MICOS10: variants seen among roughly 807,000 people sequenced by gnomAD.
The protein encoded by MICOS10 is mitochondrial contact site and cristae organizing system subunit 10, also known as MICOS complex subunit MIC10.
A neutral mutation model predicts 13.4 loss-of-function variants in MICOS10; 5 were observed. The ratio of observed to expected loss-of-function variants is 0.37; its 90% CI spans 0.20 to 0.78. The LOEUF is 0.78. Ranked by LOEUF, MICOS10 falls within the 30% of genes least tolerant of loss-of-function variation. MICOS10 has a pLI of 0.47. For synonymous variants in MICOS10, 35 were observed against 33.6 expected (o/e 1.04, Z -0.15); for missense variants, 101 against 94.6 (o/e 1.07, Z -0.28).
intron 1 of MICOS10, among the ~76,000 whole-genome samples, chr1:19,615,777 C>G (rs1328264864): frequency 4.0e-5 from 6 of 150,630 alleles, no homozygotes; most frequent in African/African-American, 1.2e-4. Flanking sequence ...AGAATAAACA[C>G]TCTATACTGG....
intron 1 of MICOS10, among the ~76,000 whole-genome samples, chr1:19,619,953 TCTTTA>T (rs1436432807): frequency 6.6e-6 from 1 of 152,252 alleles, no homozygotes; most frequent in Non-Finnish European, 1.5e-5. Flanking sequence ...ATCAGGCATT[TCTTTA>T]CTTTAGGGTT....
chr1:19,620,962 A>G (rs1415277903), intron 1 of MICOS10, among the ~76,000 whole-genome samples: 7 of 152,222 alleles, frequency 4.6e-5, no homozygotes, highest in Non-Finnish European at 1.0e-4. Context: ...GGAGAAGAGC[A>G]AAAGCTCTGA....
intron 1 of MICOS10, among the ~76,000 whole-genome samples, chr1:19,603,483 C>T (rs912218107): frequency 6.6e-6 from 1 of 152,216 alleles, no homozygotes; most frequent in African/African-American, 2.4e-5. Context: ...GGCCTGTCCT[C>T]AGACTATGGA....
At chr1:19,607,998 C>T in intron 1 of MICOS10, 1 of 624,316 alleles carries the variant, frequency 1.6e-6, no homozygotes, top group Non-Finnish European at 2.9e-6. Context: ...GACTAGGTTT[C>T]CATATAGAGA....
At chr1:19,607,785 A>G (rs1201882418) in intron 1 of MICOS10, among the ~76,000 whole-genome samples, 1 of 152,226 alleles carries the variant, frequency 6.6e-6, no homozygotes, top group Non-Finnish European at 1.5e-5. Context: ...TTTAAAAAGA[A>G]CAAAGTTGAG....
intron 2 of MICOS10, among the ~76,000 whole-genome samples, 198 bp downstream of exon 2, chr1:19,622,345 C>T (rs2094906722): frequency 6.6e-6 from 1 of 152,154 alleles, no homozygotes; most frequent in Non-Finnish European, 1.5e-5. Flanking sequence ...TGGGCATCTC[C>T]AGCATTCCCC....
chr1:19,611,817 C>T (rs976610415), intron 1 of MICOS10, among the ~76,000 whole-genome samples: 3 of 151,108 alleles, frequency 2.0e-5, no homozygotes, highest in African/African-American at 7.3e-5. Context: ...ACTAAAAATA[C>T]AAAAATTAGC....
At chr1:19,600,339 G>A (rs2094809172) in intron 1 of MICOS10, among the ~76,000 whole-genome samples, 1 of 152,178 alleles carries the variant, frequency 6.6e-6, no homozygotes, top group Non-Finnish European at 1.5e-5. Context: ...AGAAGTAAGG[G>A]AGGCTTTAGT....
chr1:19,601,062 T>C (rs1184259084), intron 1 of MICOS10: 3 of 1,231,838 alleles, frequency 2.4e-6, no homozygotes, highest in South Asian at 1.3e-5. Flanking sequence ...TGCTGTACGA[T>C]GACTATTATA....
At chr1:19,611,469 A>ATT (rs768118529) in intron 1 of MICOS10, among the ~76,000 whole-genome samples, 4,690 of 90,190 alleles carry the variant, frequency 0.052, 299 homozygotes, top group Middle Eastern at 0.1. Flanking sequence ...TTGCAACTTG[A>ATT]TTTTTTTTTT....
At chr1:19,599,555 A>G (rs2094806023) in intron 1 of MICOS10, among the ~76,000 whole-genome samples, 1 of 152,192 alleles carries the variant, frequency 6.6e-6, no homozygotes, top group Non-Finnish European at 1.5e-5. Flanking sequence ...AGGGTTGTAT[A>G]TTAAGTGACT....
intron 3 of MICOS10, chr1:19,625,634 T>A (rs962563400): frequency 6.2e-6 from 8 of 1,287,070 alleles, no homozygotes; most frequent in Admixed American, 4.6e-5. Flanking sequence ...AAGCTTCAGG[T>A]CTTTTGCTTA....
intron 1 of MICOS10, among the ~76,000 whole-genome samples, chr1:19,613,565 C>A (rs2094872154): frequency 6.6e-6 from 1 of 152,290 alleles, no homozygotes; most frequent in Non-Finnish European, 1.5e-5. Flanking sequence ...TCATTGTACC[C>A]TGTACTTTGT....
chr1:19,602,803 A>G (rs913085855), intron 1 of MICOS10, among the ~76,000 whole-genome samples: 1 of 152,242 alleles, frequency 6.6e-6, no homozygotes, highest in Non-Finnish European at 1.5e-5. Context: ...CACATTTCTT[A>G]TTAGTGAGGC....
chr1:19,622,920 CTTTT>C (rs373297142), intron 2 of MICOS10, among the ~76,000 whole-genome samples: 3 of 131,912 alleles, frequency 2.3e-5, no homozygotes, highest in Non-Finnish European at 3.2e-5. Context: ...TATTTTACTA[CTTTT>C]TTTTTTTTTT....
chr1:19,607,826 A>G (rs1193522263), intron 1 of MICOS10, among the ~76,000 whole-genome samples: 1 of 152,260 alleles, frequency 6.6e-6, no homozygotes, highest in Non-Finnish European at 1.5e-5. Context: ...TAAGGCTTGC[A>G]GTAAAGCTAC....
chr1:19,626,324 A>G, intron 3 of MICOS10, 63 bp from the exon 4 acceptor site: 6 of 1,609,610 alleles, frequency 3.7e-6, no homozygotes, highest in Non-Finnish European at 5.1e-6. Context: ...CTGATACAGC[A>G]ATTAGAGAGG....
rs533840638 is a variant in MICOS10 at position 19,628,680 on chromosome 1, C to CAAAAAAAAAAAAAAAAAA, written c.*2283_*2300dup. 1 of 63,296 alleles carries CAAAAAAAAAAAAAAAAAA rather than the reference C, an allele frequency of 1.6e-5. No individual in the cohort carries two copies. Among genetic ancestry groups the CAAAAAAAAAAAAAAAAAA allele is most frequent in the Non-Finnish European group, 3.2e-5 (1 of 30,934 alleles). The allele number at this position is 63,296 out of a possible 1,614,324, so 3.9% of individuals were successfully genotyped here. A position where few individuals can be genotyped will look rare whatever the true frequency, so the allele number is the denominator to read the frequency against. On this transcript the variant is annotated 3_prime_UTR_variant, in exon 4 of 4. Transcript: ENST00000322753. ...CCGGCGACAGAGCGAGAATCTGTCT[C>CAAAAAAAAAAAAAAAAAA]AAAAAAAAAAAAAAAAAAAAAGCAT... is the stretch of plus-strand genomic sequence containing the variant.
rs929230825 is a variant in MICOS10 at position 19,601,455 on chromosome 1, A to G, written c.64+4346A>G. On this transcript the variant is annotated intron_variant, in intron 1 of 3. Transcript: ENST00000322753. ...TAGCTGGGTGTGGTGGCATACGCCTATGGTACCAGCTACTTGGGAGGCTGA... is the reference window on the plus strand; with the variant it reads ...TAGCTGGGTGTGGTGGCATACGCCTGTGGTACCAGCTACTTGGGAGGCTGA... 2.0e-5 allele frequency among the ~76,000 whole-genome samples: 3 copies of G among 151,794 alleles called. No homozygotes were observed. The South Asian group carries it at 6.2e-4, about 32-fold the overall frequency.
Sources: gnomAD v4.1 joint callset for allele counts (sites outside exome capture counted in the v4.1 genomes callset) on GRCh38, gnomAD v4.1.1 for gene constraint, MANE v1.5 for transcripts, NCBI Gene and HGNC (gene_info 2026-07-23, HGNC 2026-07-21) for gene names.